LARP4: variants seen among roughly 807,000 people sequenced by gnomAD.
LARP4 encodes the protein la-related protein 4.
A neutral mutation model predicts 92.9 loss-of-function variants in LARP4; 29 were observed. The observed-to-expected ratio is 0.31, with a 90% confidence interval of 0.23 to 0.43. The LOEUF is 0.43. LARP4 is among the 20% of genes least tolerant of loss of function. The pLI is 1.00. For missense variants in LARP4, 732 were observed against 860.0 expected (o/e 0.85, Z 1.86); for synonymous variants, 279 against 284.1 (o/e 0.98, Z 0.18).
chr12:50,404,217 ACT>A (rs1219239753), intron 1 of LARP4, among the ~76,000 whole-genome samples: 1 of 152,008 alleles, frequency 6.6e-6, no homozygotes, highest in Non-Finnish European at 1.5e-5. Flanking sequence ...ACAGAGTGAG[ACT>A]CTGTCTCAAA....
intron 6 of LARP4, among the ~76,000 whole-genome samples, chr12:50,438,741 G>C (rs1442863933): frequency 6.6e-6 from 1 of 152,178 alleles, no homozygotes; most frequent in Non-Finnish European, 1.5e-5. Flanking sequence ...TACGTAGCTT[G>C]CTCAAGGATA....
At chr12:50,421,614 C>G (rs1225242644) in intron 1 of LARP4, among the ~76,000 whole-genome samples, 1 of 151,744 alleles carries the variant, frequency 6.6e-6, no homozygotes, top group East Asian at 2.0e-4. Flanking sequence ...CACTGCAGCC[C>G]AGCCTGGGAG....
chr12:50,446,428 TA>T lies in LARP4; in HGVS notation c.804+4786del, dbSNP rs1273750940. ...CTCTCTCTATATATATATATATATA[TA>T]TTTTTTTTTTTTTTTATAGACGGAG... On this transcript the variant is annotated intron_variant, in intron 8 of 15. Coordinates refer to ENST00000398473, the MANE Select transcript of LARP4 (RefSeq NM_052879.5). 7.9e-3 allele frequency among the ~76,000 whole-genome samples: 113 copies of T among 14,316 alleles called. 36 individuals are homozygous for T. The highest frequency in any genetic ancestry group is 0.014 in the Non-Finnish European group (95 of 6,612). The allele number at this position is 14,316 out of a possible 152,430, so 9.4% of individuals were successfully genotyped here.
chr12:50,461,019 G>A, intron 10 of LARP4, 116 bp from the exon 11 acceptor site: 1 of 752,144 alleles, frequency 1.3e-6, no homozygotes, highest in Non-Finnish European at 2.3e-6. Context: ...ATTCTTTTGT[G>A]TTTAACTTAA....
At chr12:50,454,647 TAAAAG>T (rs1427582117) in intron 10 of LARP4, 27 of 362,306 alleles carry the variant, frequency 7.5e-5, no homozygotes, top group East Asian at 5.0e-4. Context: ...TTTTTAATAA[TAAAAG>T]AGAATAGAAA....
At chr12:50,455,090 A>C (rs980058726) in intron 10 of LARP4, 1 of 152,226 alleles carries the variant, frequency 6.6e-6, no homozygotes, top group Non-Finnish European at 1.5e-5. Context: ...CACTTAAAGC[A>C]CTATGTTCAG....
intron 1 of LARP4, chr12:50,421,281 G>GA (rs1391767481): frequency 3.0e-6 from 3 of 984,404 alleles, no homozygotes; most frequent in South Asian, 4.7e-5. Flanking sequence ...GCTCTGGTTT[G>GA]AAAAAATCAG....
intron 1 of LARP4, among the ~76,000 whole-genome samples, chr12:50,409,066 A>G (rs1004599887): frequency 2.9e-4 from 44 of 152,214 alleles, no homozygotes; most frequent in Middle Eastern, 6.8e-3. Flanking sequence ...TGAAAATAGG[A>G]TTATTTTTGC....
At chr12:50,470,570 A>T (rs1956817120) in intron 13 of LARP4, among the ~76,000 whole-genome samples, 1 of 152,046 alleles carries the variant, frequency 6.6e-6, no homozygotes, top group African/African-American at 2.4e-5. Context: ...GGTAGCTGGG[A>T]TTACAGGCAC....
At chr12:50,443,320 G>T (rs73305126) in intron 8 of LARP4, among the ~76,000 whole-genome samples, 1 of 152,020 alleles carries the variant, frequency 6.6e-6, no homozygotes, top group Admixed American at 6.6e-5. Flanking sequence ...ACCTAGGCTC[G>T]AGTGCAGGGG....
chr12:50,454,355 G>A lies in LARP4; in HGVS notation c.1059G>A (p.Ser353=), dbSNP rs746650104. ...PNGSFVNGFN[S]PGSYKTNAAA... Reference sequence around the variant, plus strand: ...GTAGTTTTGTGAATGGCTTTAATTCGCCAGGATCTTATAAAACAAATGCTG... The same window carrying A: ...GTAGTTTTGTGAATGGCTTTAATTCACCAGGATCTTATAAAACAAATGCTG... The change falls in exon 10 of 16, where the codon TCG becomes TCA. Residue 353 remains serine (S), a synonymous_variant. Transcript: ENST00000398473. 3.3e-5 allele frequency: 53 copies of A among 1,613,004 alleles called. No individual in the cohort carries two copies. The highest frequency in any genetic ancestry group is 6.7e-5 in the Admixed American group (4 of 59,814).
chr12:50,447,314 G>C (rs1952367868), intron 8 of LARP4, among the ~76,000 whole-genome samples: 1 of 152,162 alleles, frequency 6.6e-6, no homozygotes, highest in African/African-American at 2.4e-5. Context: ...TTTATTAAAA[G>C]GGTCAGCAAA....
intron 2 of LARP4, 31 bp downstream of exon 2, chr12:50,427,940 AC>A: frequency 6.7e-7 from 1 of 1,503,034 alleles, no homozygotes; most frequent in Non-Finnish European, 9.0e-7. Context: ...CATAAAAATC[AC>A]AGTTTGGTTA....
At chr12:50,436,722 TTGAC>T (rs935620394) in intron 5 of LARP4, among the ~76,000 whole-genome samples, 5 of 152,186 alleles carry the variant, frequency 3.3e-5, no homozygotes, top group African/African-American at 1.2e-4. Context: ...TGTTAACTAT[TTGAC>T]TGAATAAGGC....
At chr12:50,430,634 C>T in intron 4 of LARP4, 64 bp downstream of exon 4, 1 of 918,450 alleles carries the variant, frequency 1.1e-6, no homozygotes, top group Non-Finnish European at 1.7e-6. Flanking sequence ...AAATAGAGCG[C>T]AAGGATGGTG....
At position 50,455,126 on chromosome 12, in the gene LARP4, CTA is replaced by C. The variant is rs537849648; in HGVS notation, c.1121+713_1121+714del. Among the ~76,000 whole-genome samples, 47 of 152,312 alleles carry C rather than the reference CTA, an allele frequency of 3.1e-4. No homozygotes were observed. In the East Asian group the frequency reaches 7.1e-3, roughly 23 times the overall value. ...GATAAATTATTAAGAATCATAGAAA[CTA>C]TATGCTATCATAAAGATTGAGATGT... On this transcript the variant is annotated intron_variant, in intron 10 of 15. Coordinates refer to ENST00000398473, the MANE Select transcript of LARP4 (RefSeq NM_052879.5).
intron 13 of LARP4, among the ~76,000 whole-genome samples, chr12:50,470,941 A>T (rs1300323509): frequency 6.6e-5 from 10 of 152,204 alleles, no homozygotes. Flanking sequence ...TAAATATTTT[A>T]GGCTTTGTGG....
intron 9 of LARP4, among the ~76,000 whole-genome samples, chr12:50,453,923 G>A (rs772058474): frequency 6.6e-6 from 1 of 151,928 alleles, no homozygotes. Context: ...CACTATGCCC[G>A]GCCACTTTTT....
In LARP4 at chr12:50,440,251, A is replaced by G. The variant is rs191472793; in HGVS notation, c.640-188A>G. 4.4e-3 allele frequency among the ~76,000 whole-genome samples: 668 copies of G among 152,310 alleles called. 4 individuals are homozygous for G. The highest frequency in any genetic ancestry group is 0.028 in the South Asian group (135 of 4,826). On this transcript the variant is annotated intron_variant, in intron 6 of 15. Transcript: ENST00000398473. ...CGGGAGTTTGAGACCAGACTCAAAT[A>G]TATCTCCTATTAACTCTGTATTTGT...
Sources: gnomAD v4.1 joint callset for allele counts (sites outside exome capture counted in the v4.1 genomes callset) on GRCh38, gnomAD v4.1.1 for gene constraint, MANE v1.5 for transcripts, NCBI Gene and HGNC (gene_info 2026-07-23, HGNC 2026-07-21) for gene names.